Variants in MAP2K5 observed in about 807,000 individuals in gnomAD.
MAP2K5 encodes mitogen-activated protein kinase kinase 5.
Under a neutral mutation model 83.1 loss-of-function variants are expected in MAP2K5, and 49 were observed. The observed-to-expected ratio is 0.59, with a 90% CI of 0.47 to 0.75. MAP2K5 has a LOEUF of 0.75. MAP2K5 is among the 30% of genes least tolerant of loss of function. The probability of loss-of-function intolerance (pLI) is 0.00; values close to 1 mark genes in which losing one functional copy is unlikely to be tolerated. For missense variants in MAP2K5, 457 were observed against 557.5 expected (o/e 0.82, Z 1.82); for synonymous variants, 202 against 191.8 (o/e 1.05, Z -0.44).
At position 67,665,297 on chromosome 15, in the gene MAP2K5, C is replaced by T. The variant is rs1233610537; in HGVS notation, c.847+652C>T. Reference sequence around the variant, plus strand: ...TGTTGAATATTGCAAAAGGAATCTCCTTTTGTTTTTTTAATGTTCCCAAAA... The same window carrying T: ...TGTTGAATATTGCAAAAGGAATCTCTTTTTGTTTTTTTAATGTTCCCAAAA... On this transcript the variant is annotated intron_variant, in intron 13 of 21. Transcript: ENST00000178640. This position sits in a 1 kb window ranked among gnomAD's most constrained non-coding sequence, Gnocchi z 4.2. 6.6e-6 allele frequency among the ~76,000 whole-genome samples: 1 copy of T among 152,008 alleles called. No homozygotes were observed. Among genetic ancestry groups the T allele is most frequent in the Non-Finnish European group, 1.5e-5 (1 of 67,992 alleles).
chr15:67,759,026 A>G (rs1039210489), intron 19 of MAP2K5, among the ~76,000 whole-genome samples: 18 of 152,170 alleles, frequency 1.2e-4, no homozygotes, highest in Admixed American at 3.3e-4. Flanking sequence ...ATTGAATTCT[A>G]TTCTGTGTAC....
rs1453235981 is a variant in MAP2K5, at chr15:67,724,476, C to T, written c.1045-3440C>T. 2.0e-5 allele frequency among the ~76,000 whole-genome samples: 3 copies of T among 152,110 alleles called. No homozygotes were observed. Among genetic ancestry groups the T allele is most frequent in the Non-Finnish European group, 4.4e-5 (3 of 68,032 alleles). On this transcript the variant is annotated intron_variant, in intron 16 of 21. Transcript: ENST00000178640. The surrounding 1 kb of genome is among the most constrained non-coding windows in gnomAD (Gnocchi z 4.4). ...TGGCATGGTCAAGGCTCACTGCAGT[C>T]TCTACCTCCCCGGGCTCAGGTGATC...
chr15:67,659,821 T>TAG (rs1396769710), intron 12 of MAP2K5, among the ~76,000 whole-genome samples: 2 of 152,180 alleles, frequency 1.3e-5, no homozygotes, highest in African/African-American at 4.8e-5. Context: ...CCATCTTCAG[T>TAG]AGAGAAGCAT....
chr15:67,733,010 T>G (rs1203362597), intron 17 of MAP2K5, among the ~76,000 whole-genome samples: 1 of 152,202 alleles, frequency 6.6e-6, no homozygotes, highest in Non-Finnish European at 1.5e-5. Context: ...ACCTTACATT[T>G]GGGGCTTTGC....
intron 11 of MAP2K5, 77 bp downstream of exon 11, chr15:67,646,546 A>G (rs1027376188): frequency 2.0e-5 from 14 of 708,572 alleles, no homozygotes; most frequent in African/African-American, 1.6e-4. Context: ...TTTGATATAG[A>G]TATCAAATAG....
At chr15:67,795,539 T>G (rs566165539) in intron 21 of MAP2K5, among the ~76,000 whole-genome samples, 1 of 152,352 alleles carries the variant, frequency 6.6e-6, no homozygotes, top group East Asian at 1.9e-4. Context: ...TTTGTTATCT[T>G]GTGGTTATTA....
intron 8 of MAP2K5, among the ~76,000 whole-genome samples, chr15:67,616,843 TC>T: frequency 6.6e-6 from 1 of 152,330 alleles, no homozygotes; most frequent in Admixed American, 6.5e-5. Context: ...TTCTTAGGTT[TC>T]CTATCCATTT....
In MAP2K5 at chr15:67,775,729, C is replaced by T. The variant is rs938377822; in HGVS notation, c.1242+2977C>T. Among the ~76,000 whole-genome samples, 2 of 151,998 alleles carry T rather than the reference C, an allele frequency of 1.3e-5. No homozygotes were observed. The highest frequency in any genetic ancestry group is 4.8e-5 in the African/African-American group (2 of 41,360). On this transcript the variant is annotated intron_variant, in intron 21 of 21. Transcript: ENST00000178640. The surrounding 1 kb of genome is among the most constrained non-coding windows in gnomAD (Gnocchi z 5.3). ...TAGAGAAGGTAGCATTTGAAAAGGGCCTTTGGAGGATGAAGTGAATTTTAA... is the reference window on the plus strand; with the variant it reads ...TAGAGAAGGTAGCATTTGAAAAGGGTCTTTGGAGGATGAAGTGAATTTTAA...
chr15:67,675,597 T>G (rs6494686), intron 13 of MAP2K5, among the ~76,000 whole-genome samples: 149,549 of 152,252 alleles, frequency 0.98, 73,516 homozygotes, highest in Middle Eastern at 1. Context: ...CTGGGTGGAG[T>G]GTACACAGGA....
chr15:67,642,550 C>G, intron 9 of MAP2K5: 1 of 1,017,322 alleles, frequency 9.8e-7, no homozygotes, highest in Non-Finnish European at 1.6e-6. Context: ...AAAGATAGAA[C>G]AGGTTTTTTC....
At chr15:67,674,236 G>A (rs1444792600) in intron 13 of MAP2K5, among the ~76,000 whole-genome samples, 2 of 152,160 alleles carry the variant, frequency 1.3e-5, no homozygotes, top group Non-Finnish European at 2.9e-5. Context: ...ATGTTGCCAT[G>A]TGTAATGATG....
At chr15:67,557,467 A>G (rs1247178578) in intron 2 of MAP2K5, among the ~76,000 whole-genome samples, 3 of 152,238 alleles carry the variant, frequency 2.0e-5, no homozygotes, top group Admixed American at 2.0e-4. Context: ...ACATGGTTAT[A>G]GAATAAATAT....
At chr15:67,792,616 A>G (rs977990367) in intron 21 of MAP2K5, among the ~76,000 whole-genome samples, 3 of 152,212 alleles carry the variant, frequency 2.0e-5, no homozygotes, top group Non-Finnish European at 4.4e-5. Context: ...ACCCTAAAAT[A>G]TAAAACTTCC....
In MAP2K5 at chr15:67,696,505, T is replaced by C. The variant is rs559893926; in HGVS notation, c.972+2937T>C. The stretch of plus-strand genomic sequence containing the variant: ...GATCTATGCCAGTGAAAGTTGTATC[T>C]GAAACTGAGCACCTTCAATAATCAA... On this transcript the variant is annotated intron_variant, in intron 15 of 21. Coordinates refer to ENST00000178640, the MANE Select transcript of MAP2K5 (RefSeq NM_145160.3). Among the ~76,000 whole-genome samples the C allele has an allele frequency of 2.0e-5, 3 of 152,330 alleles. No individual in the cohort carries two copies. In the East Asian group the frequency reaches 5.8e-4, roughly 29 times the overall value.
At position 67,664,557 on chromosome 15, in the gene MAP2K5, A is replaced by G. The variant is rs2087324522; in HGVS notation, c.799-40A>G. On this transcript the variant is annotated intron_variant, in intron 12 of 21. Transcript: ENST00000178640. ...ATATGGAAAGTTCCTTTTAAAAACC[A>G]TAATTGATAATTGTACTGTTTTCTT... 3.1e-6 allele frequency: 4 copies of G among 1,290,868 alleles called. No homozygotes were observed. The East Asian group carries it at 6.9e-5, about 22-fold the overall frequency. The allele number at this position is 1,290,868 out of a possible 1,614,324, so 80.0% of individuals were successfully genotyped here.
chr15:67,743,245 G>A (rs1301135192), intron 17 of MAP2K5, among the ~76,000 whole-genome samples: 2 of 152,198 alleles, frequency 1.3e-5, no homozygotes, highest in African/African-American at 2.4e-5. Context: ...ATCTTAGAAT[G>A]CGAGAATCGT....
At chr15:67,582,688 G>T (rs192247199) in intron 4 of MAP2K5, among the ~76,000 whole-genome samples, 3 of 152,006 alleles carry the variant, frequency 2.0e-5, no homozygotes, top group African/African-American at 7.3e-5. Flanking sequence ...CGGGCGTGGT[G>T]CACACTCCTG....
chr15:67,557,530 AC>A (rs1177727808), intron 2 of MAP2K5, among the ~76,000 whole-genome samples: 1 of 152,158 alleles, frequency 6.6e-6, no homozygotes, highest in Non-Finnish European at 1.5e-5. Flanking sequence ...TCCTTATTGC[AC>A]AGAATCATTT....
chr15:67,632,023 C>T (rs2086485514), intron 9 of MAP2K5, among the ~76,000 whole-genome samples: 2 of 152,074 alleles, frequency 1.3e-5, no homozygotes, highest in African/African-American at 4.8e-5. Context: ...TGCCCTTTAT[C>T]TCCAGTCTCC....
Sources: allele counts gnomAD v4.1 joint callset (sites outside exome capture counted in the v4.1 genomes callset), GRCh38; gene constraint gnomAD v4.1.1; non-coding constraint Gnocchi (gnomAD v3.1); transcripts MANE v1.5; gene names NCBI Gene and HGNC (gene_info 2026-07-23, HGNC 2026-07-21).